GLIS3: variants seen among roughly 807,000 people sequenced by gnomAD.
GLIS3 encodes zinc finger protein GLIS3.
In GLIS3, 53 loss-of-function variants were observed where a neutral mutation model predicts 78.6. That is an observed-to-expected ratio of 0.67 (90% CI 0.54 to 0.85). The LOEUF (loss-of-function observed/expected upper bound fraction) is 0.85, where lower values mean the gene tolerates loss of function less well. Among genes scored for constraint, GLIS3 ranks in the 40% least tolerant of loss-of-function variants. The pLI is 0.00. For synonymous variants in GLIS3, 684 were observed against 509.9 expected (o/e 1.34, Z -4.60); for missense variants, 1,703 against 1,231.1 (o/e 1.38, Z -5.74).
rs563255450 is a variant in GLIS3 at position 3,879,734 on chromosome 9, T to G, written c.2129-139A>C. ...TGGTTTTCAGGGAACAGTTCTCCCC[T>G]TCTTGGGTACACACAGCTTTTATTT... On this transcript the variant is annotated intron_variant, in intron 7 of 10. Coordinates refer to ENST00000381971, the MANE Select transcript of GLIS3 (RefSeq NM_001042413.2). The G allele has an allele frequency of 2.2e-5, 19 of 868,022 alleles. No individual in the cohort carries two copies. The Admixed American group carries it at 4.3e-4, about 20-fold the overall frequency. 53.8% of individuals were successfully genotyped at this position (868,022 alleles called of 1,614,324 possible).
intron 7 of GLIS3, among the ~76,000 whole-genome samples, chr9:3,893,203 A>T (rs1449490702): frequency 6.6e-6 from 1 of 152,196 alleles, no homozygotes; most frequent in African/African-American, 2.4e-5. Flanking sequence ...TCTCCTCCTC[A>T]ATGAGGTACG....
Position 4,339,276 on chromosome 9 carries a change from T to C in GLIS3, n.264+7805A>G, listed in dbSNP as rs188496596. Among the ~76,000 whole-genome samples the C allele has an allele frequency of 2.2e-3, 331 of 152,370 alleles. 2 individuals are homozygous for C. The highest frequency in any genetic ancestry group is 7.6e-3 in the African/African-American group (315 of 41,596). On this transcript the variant is annotated intron_variant and non_coding_transcript_variant, in intron 2 of 4. Coordinates refer to the GLIS3 transcript ENST00000471664. The stretch of plus-strand genomic sequence containing the variant: ...ATTGATCTGTTGTTTTGTCACTATG[T>C]AGCTAAAGCCAGTGGGAGGGTGCCA...
At chr9:4,351,675 T>A (rs193056345), upstream of GLIS3, among the ~76,000 whole-genome samples, 3,396 of 152,182 alleles carry the variant, frequency 0.022, 131 homozygotes, top group African/African-American at 0.076. Flanking sequence ...TTCATTTTTT[T>A]AAAAAAATGT....
intron 4 of GLIS3, among the ~76,000 whole-genome samples, chr9:3,967,733 G>A (rs633565): frequency 0.58 from 88,403 of 151,846 alleles, 26,241 homozygotes; most frequent in African/African-American, 0.67. Context: ...TAAGAGACAA[G>A]TGCAATGTCA....
chr9:3,979,785 T>G (rs1819099183), intron 4 of GLIS3, among the ~76,000 whole-genome samples: 1 of 152,198 alleles, frequency 6.6e-6, no homozygotes, highest in African/African-American at 2.4e-5. Flanking sequence ...AGATAATTAT[T>G]GAGTGCCTAC....
At chr9:4,066,039 T>TAAAAAAAAA (rs398046406) in intron 4 of GLIS3, among the ~76,000 whole-genome samples, 27 of 133,212 alleles carry the variant, frequency 2.0e-4, no homozygotes, top group South Asian at 4.7e-4. Context: ...CCAAAGAATA[T>TAAAAAAAAA]AAAAAAAAAA....
chr9:4,406,602 G>C, the GLIS3 span, among the ~76,000 whole-genome samples: 4 of 152,136 alleles, frequency 2.6e-5, no homozygotes, highest in Non-Finnish European at 4.4e-5. Context: ...ATTCAGTAAA[G>C]TTACAGGATA....
intron 4 of GLIS3, among the ~76,000 whole-genome samples, chr9:4,076,765 T>C (rs1432703155): frequency 6.6e-6 from 1 of 152,208 alleles, no homozygotes; most frequent in African/African-American, 2.4e-5. Flanking sequence ...TTCATAATGT[T>C]AAATTTTTTG....
At chr9:3,965,977 C>T (rs565587007) in intron 4 of GLIS3, among the ~76,000 whole-genome samples, 16 of 152,318 alleles carry the variant, frequency 1.1e-4, no homozygotes, top group Non-Finnish European at 1.6e-4. Context: ...ATCAGTGTCA[C>T]CTGAAGCTTA....
At chr9:4,211,412 G>C (rs1820361107) in intron 2 of GLIS3, among the ~76,000 whole-genome samples, 1 of 152,168 alleles carries the variant, frequency 6.6e-6, no homozygotes. Context: ...GATCTATCAA[G>C]CCTTGCCACC....
At chr9:4,053,635 T>TAA (rs569983327) in intron 4 of GLIS3, among the ~76,000 whole-genome samples, 42 of 96,432 alleles carry the variant, frequency 4.4e-4, no homozygotes, top group East Asian at 1.8e-3. Flanking sequence ...TGCTCAAGGC[T>TAA]AAAAAAAAAA....
intron 2 of GLIS3, among the ~76,000 whole-genome samples, chr9:4,313,532 C>T (rs1486829761): frequency 6.6e-6 from 1 of 152,212 alleles, no homozygotes. Flanking sequence ...TCTCCCCACA[C>T]AAATTTGGCT....
At chr9:4,005,990 T>C (rs951234483) in intron 4 of GLIS3, among the ~76,000 whole-genome samples, 2 of 152,192 alleles carry the variant, frequency 1.3e-5, no homozygotes, top group Non-Finnish European at 2.9e-5. Flanking sequence ...GTATTTGCCA[T>C]GTGGACATAA....
intron 6 of GLIS3, among the ~76,000 whole-genome samples, chr9:3,929,234 G>C (rs1370793250): frequency 1.3e-5 from 2 of 152,172 alleles, no homozygotes; most frequent in Non-Finnish European, 2.9e-5. Flanking sequence ...AAAGAAGTCT[G>C]TACATCGGCT....
the GLIS3 span, among the ~76,000 whole-genome samples, chr9:4,383,147 G>T: frequency 7.4e-3 from 1,132 of 152,302 alleles, 10 homozygotes; most frequent in African/African-American, 0.026. Flanking sequence ...GAACTGAAAC[G>T]AGTAGAAGTA....
the GLIS3 span, among the ~76,000 whole-genome samples, chr9:4,430,945 T>C: frequency 6.6e-6 from 1 of 150,780 alleles, no homozygotes; most frequent in African/African-American, 2.5e-5. Context: ...CTGTGAGAAG[T>C]GAATATCTGC....
At chr9:3,890,487 C>A (rs10814766) in intron 7 of GLIS3, among the ~76,000 whole-genome samples, 1 of 152,058 alleles carries the variant, frequency 6.6e-6, no homozygotes, top group Non-Finnish European at 1.5e-5. Context: ...AATAATCCAA[C>A]ATTTTAAGCA....
At chr9:4,466,754 G>C in the GLIS3 span, among the ~76,000 whole-genome samples, 1 of 152,174 alleles carries the variant, frequency 6.6e-6, no homozygotes, top group African/African-American at 2.4e-5. Context: ...ATTTCCAACT[G>C]AGGTACAGGG....
At chr9:4,216,244 G>A (rs1344244291) in intron 2 of GLIS3, among the ~76,000 whole-genome samples, 4 of 152,164 alleles carry the variant, frequency 2.6e-5, no homozygotes, top group South Asian at 2.1e-4. Context: ...AGGCCGAGGT[G>A]GGCAGATCAT....
Sources: gnomAD v4.1 joint callset for allele counts (sites outside exome capture counted in the v4.1 genomes callset) on GRCh38, gnomAD v4.1.1 for gene constraint, MANE v1.5 for transcripts, NCBI Gene and HGNC (gene_info 2026-07-23, HGNC 2026-07-21) for gene names.